UBE3B: variants seen among roughly 807,000 people sequenced by gnomAD.
UBE3B encodes the protein ubiquitin-protein ligase E3B.
In UBE3B, 80 loss-of-function variants were observed where a neutral mutation model predicts 132.3. That is an observed-to-expected ratio of 0.60 (90% confidence interval 0.50 to 0.73). UBE3B has a LOEUF of 0.73. Ranked by LOEUF, UBE3B falls within the 30% of genes least tolerant of loss-of-function variation. The pLI is 0.00. For missense variants in UBE3B, 1,196 were observed against 1,362.5 expected (o/e 0.88, Z 1.92); for synonymous variants, 487 against 520.4 (o/e 0.94, Z 0.87).
Position 109,530,561 on chromosome 12 carries a change from A to C in UBE3B, c.2825A>C (p.Tyr942Ser). The change falls in exon 26 of 28, where the codon TAC becomes TCC. Residue 942 changes from tyrosine (Y) to serine (S), a missense_variant. Physicochemically the swap from Tyr to Ser is moderately radical, Grantham distance 144 (BLOSUM62 -2). Coordinates refer to ENST00000342494, the MANE Select transcript of UBE3B (RefSeq NM_130466.4). Reference sequence around the variant, plus strand: ...ATTGCTTTCAGGAAGCACACAGTCTACTACGGTGGTTTCCATGGAAGTCAC... The same window carrying C: ...ATTGCTTTCAGGAAGCACACAGTCTCCTACGGTGGTTTCCATGGAAGTCAC... ...DLEDLKKHTV[Y>S]YGGFHGSHRV... is the part of the protein sequence containing the mutation. 6.2e-7 allele frequency: 1 copy of C among 1,614,164 alleles called. No individual in the cohort carries two copies. The highest frequency in any genetic ancestry group is 8.5e-7 in the Non-Finnish European group (1 of 1,180,008).
chr12:109,497,454 A>C (rs1037754820), intron 9 of UBE3B, among the ~76,000 whole-genome samples: 5 of 152,254 alleles, frequency 3.3e-5, no homozygotes, highest in African/African-American at 1.2e-4. Flanking sequence ...CCCAATAGAG[A>C]AATCGATTAT....
intron 12 of UBE3B, among the ~76,000 whole-genome samples, chr12:109,500,672 G>T (rs1010514079): frequency 6.6e-6 from 1 of 152,208 alleles, no homozygotes; most frequent in African/African-American, 2.4e-5. Flanking sequence ...CCTGCTCTCC[G>T]CTCCACTTCC....
intron 19 of UBE3B, among the ~76,000 whole-genome samples, chr12:109,518,367 C>A (rs1881313555): frequency 2.6e-5 from 4 of 152,152 alleles, no homozygotes; most frequent in Admixed American, 2.6e-4. Flanking sequence ...AAGAGAAGGC[C>A]AAAATTCAGA....
At position 109,521,235 on chromosome 12, in the gene UBE3B, G is replaced by A. The variant is rs777032511; in HGVS notation, c.2164G>A (p.Glu722Lys). ...GTTTGTCAATGACCTCGGGGTGGACGAAGCAGGGATTGATCAAGACGGTGT... is the reference window on the plus strand; with the variant it reads ...GTTTGTCAATGACCTCGGGGTGGACAAAGCAGGGATTGATCAAGACGGTGT... ...VKFVNDLGVD[E>K]AGIDQDGVFK... is the part of the protein sequence containing the mutation. Residue 722 changes from glutamate to lysine, a missense_variant, in exon 20 of 28, where the codon GAA becomes AAA. By Grantham distance (56) the Glu-to-Lys change is moderately conservative (BLOSUM62 1). Transcript: ENST00000342494. The surrounding 1 kb of genome is among the most constrained non-coding windows in gnomAD (Gnocchi z 4.2). 1.9e-6 allele frequency: 3 copies of A among 1,614,232 alleles called. No homozygotes were observed. Among genetic ancestry groups the A allele is most frequent in the South Asian group, 1.1e-5 (1 of 91,078 alleles).
At chr12:109,499,975 C>T (rs1878756582) in intron 12 of UBE3B, among the ~76,000 whole-genome samples, 165 bp downstream of exon 12, 1 of 152,204 alleles carries the variant, frequency 6.6e-6, no homozygotes, top group African/African-American at 2.4e-5. Flanking sequence ...GGATAAAAAC[C>T]AGCCCATTAT....
chr12:109,539,001 T>A (rs1883549858), downstream of UBE3B, among the ~76,000 whole-genome samples: 2 of 152,170 alleles, frequency 1.3e-5, no homozygotes, highest in African/African-American at 4.8e-5. Context: ...TTTGGGAGGC[T>A]GAGGCGGGCA....
intron 5 of UBE3B, 76 bp from the exon 6 acceptor site, chr12:109,486,395 C>A: frequency 8.2e-7 from 1 of 1,218,246 alleles, no homozygotes; most frequent in Non-Finnish European, 1.2e-6. Flanking sequence ...ACTAATAGGT[C>A]CAGTTCCAAC....
chr12:109,488,490 A>G, intron 6 of UBE3B, 82 bp from the exon 7 acceptor site: 1 of 1,257,892 alleles, frequency 7.9e-7, no homozygotes. Flanking sequence ...CTGAGTGCCC[A>G]TAGAGCAGTT....
chr12:109,481,590 A>G (rs1314131522), intron 1 of UBE3B, 47 bp from the exon 2 acceptor site: 1 of 152,234 alleles, frequency 6.6e-6, no homozygotes, highest in African/African-American at 2.4e-5. Flanking sequence ...TACCACACCT[A>G]TAAAATTTAA....
At chr12:109,514,873 T>C (rs1018358738) in intron 18 of UBE3B, among the ~76,000 whole-genome samples, 27 of 152,080 alleles carry the variant, frequency 1.8e-4, no homozygotes, top group African/African-American at 2.4e-5. Flanking sequence ...GATGCTTCAC[T>C]GAACAGTAGT....
At chr12:109,510,531 C>T in intron 17 of UBE3B, 73 bp downstream of exon 17, 1 of 1,241,338 alleles carries the variant, frequency 8.1e-7, no homozygotes, top group African/African-American at 1.5e-5. Context: ...ACTCAGCTCT[C>T]ATGTTCTAGG....
chr12:109,520,866 T>TCATG, intron 19 of UBE3B: 1 of 316,258 alleles, frequency 3.2e-6, no homozygotes, highest in East Asian at 5.3e-5. Context: ...CAGGAGCTTG[T>TCATG]CATGACTCAT....
At chr12:109,488,505 A>G in intron 6 of UBE3B, 67 bp from the exon 7 acceptor site, 1 of 1,433,586 alleles carries the variant, frequency 7.0e-7, no homozygotes, top group Non-Finnish European at 9.8e-7. Flanking sequence ...GCAGTTGTAA[A>G]GTGAACACTT....
chr12:109,484,458 T>C (rs1164732349), intron 4 of UBE3B, among the ~76,000 whole-genome samples: 2 of 151,962 alleles, frequency 1.3e-5, no homozygotes, highest in African/African-American at 4.8e-5. Context: ...TGGCGCAGTC[T>C]TGGCTCACTG....
At chr12:109,542,126 C>G in the UBE3B span, among the ~76,000 whole-genome samples, 2 of 152,178 alleles carry the variant, frequency 1.3e-5, no homozygotes, top group Non-Finnish European at 2.9e-5. Flanking sequence ...GCTCACAGAT[C>G]CTAAACAATC....
rs1056555653 is a variant in UBE3B at position 109,522,336 on chromosome 12, C to T, written c.2364+785C>T. ...ACACAGCTCCTGTCCATTGAAACCC[C>T]GTCCATTGAAAGCCAAGGTGGGACC... On this transcript the variant is annotated intron_variant, in intron 21 of 27. Transcript: ENST00000342494. This position sits in a 1 kb window ranked among gnomAD's most constrained non-coding sequence, Gnocchi z 4.2. 6.6e-6 allele frequency among the ~76,000 whole-genome samples: 1 copy of T among 152,164 alleles called. No individual in the cohort carries two copies. Among genetic ancestry groups the T allele is most frequent in the African/African-American group, 2.4e-5 (1 of 41,430 alleles).
intron 18 of UBE3B, among the ~76,000 whole-genome samples, chr12:109,512,515 CT>C (rs1880506271): frequency 6.6e-6 from 1 of 152,186 alleles, no homozygotes. Context: ...CAACACTCAG[CT>C]CCTCTTAGAA....
At chr12:109,545,134 A>G in the UBE3B span, among the ~76,000 whole-genome samples, 1 of 152,228 alleles carries the variant, frequency 6.6e-6, no homozygotes, top group Admixed American at 6.5e-5. Flanking sequence ...GGCTAGTCCC[A>G]CTGACTCTCC....
chr12:109,526,304 C>T, intron 23 of UBE3B, 54 bp from the exon 24 acceptor site: 2 of 1,575,902 alleles, frequency 1.3e-6, no homozygotes, highest in Non-Finnish European at 1.7e-6. Context: ...CTCCGGGAAG[C>T]TTTATTTCCC....
Sources: allele counts gnomAD v4.1 joint callset (sites outside exome capture counted in the v4.1 genomes callset), GRCh38; gene constraint gnomAD v4.1.1; non-coding constraint Gnocchi (gnomAD v3.1); transcripts MANE v1.5; gene names NCBI Gene and HGNC (gene_info 2026-07-23, HGNC 2026-07-21).